The following LY9 variants were observed in gnomAD, a reference collection of about 807,000 sequenced individuals.
LY9 encodes the protein T-lymphocyte surface antigen Ly-9.
In LY9, 59 loss-of-function variants were observed where a neutral mutation model predicts 64.6. That is an observed-to-expected ratio of 0.91 (90% CI 0.74 to 1.13). The LOEUF (loss-of-function observed/expected upper bound fraction) is 1.13. LY9 is among the 50% of genes most tolerant of loss of function. The pLI, the probability that LY9 is intolerant of heterozygous loss-of-function variation, is 0.00. For synonymous variants in LY9, 281 were observed against 308.5 expected, an observed-to-expected ratio of 0.91 and a Z score of 0.93; for missense variants, 789 against 797.2, an observed-to-expected ratio of 0.99 and a Z score of 0.12.
rs770956153 is a variant in LY9, at chr1:160,814,740, CAT to C, written c.1052_1053del (p.His351ArgfsTer22). On this transcript the variant is annotated frameshift_variant, in exon 4 of 10. Transcript: ENST00000263285. LOFTEE classifies it high-confidence loss of function. ...SEASSVTSMT[H>X]VTLLIYRRLR... ...GGCCTCCAGCGTCACCAGCATGACACATGTCACCCTGCTCATCTACCGTGAGT... is the reference window on the plus strand; with the variant it reads ...GGCCTCCAGCGTCACCAGCATGACACGTCACCCTGCTCATCTACCGTGAGT... 2.1e-4 allele frequency: 345 copies of C among 1,613,632 alleles called. No homozygotes were observed. The Middle Eastern group carries it at 3.8e-3, about 18-fold the overall frequency.
In LY9 at chr1:160,814,711, C is replaced by G. The variant is rs750028876; in HGVS notation, c.1022C>G (p.Ser341Ter). The G allele has an allele frequency of 4.3e-6, 7 of 1,614,132 alleles. No individual in the cohort carries two copies. ...GGCCCCTACCATGCCTACGTGTGCT[C>G]AGAGGCCTCCAGCGTCACCAGCATG... ...DAGPYHAYVC[S>*]EASSVTSMTH... is the part of the protein sequence containing the mutation. The change falls in exon 4 of 10, where the codon TCA becomes TGA. Residue 341 changes from serine (S) to a stop codon, truncating the protein, a stop_gained. Coordinates refer to ENST00000263285, the MANE Select transcript of LY9 (RefSeq NM_002348.4). LOFTEE classifies it high-confidence loss of function.
chr1:160,816,445 G>T, intron 4 of LY9, 149 bp from the exon 5 acceptor site: 1 of 793,470 alleles, frequency 1.3e-6, no homozygotes. Context: ...GAAAATGCCA[G>T]GTATACTCCA....
chr1:160,797,031 G>A (rs1400768077), intron 1 of LY9: 1 of 746,638 alleles, frequency 1.3e-6, no homozygotes, highest in Non-Finnish European at 1.6e-6. Flanking sequence ...TGGGGACCTG[G>A]ACGCGGTTAG....
chr1:160,802,386 C>T, intron 2 of LY9: 1 of 987,842 alleles, frequency 1.0e-6, no homozygotes, highest in Non-Finnish European at 1.2e-6. Flanking sequence ...CCAGGCCTGG[C>T]TCAGCCCACT....
At position 160,827,858 on chromosome 1, in the gene LY9, T is replaced by C; in HGVS notation, c.*42T>C. ...TGCCTCTCTCCTGGGACCGTGGGGTTGGAAAGTCAGCTGGACCTCATGGGG... is the reference window on the plus strand; with the variant it reads ...TGCCTCTCTCCTGGGACCGTGGGGTCGGAAAGTCAGCTGGACCTCATGGGG... On this transcript the variant is annotated 3_prime_UTR_variant, in exon 10 of 10. Transcript: ENST00000263285. 1 of 1,554,932 alleles carries C rather than the reference T, an allele frequency of 6.4e-7. No homozygotes were observed. Among genetic ancestry groups the C allele is most frequent in the African/African-American group, 1.4e-5 (1 of 73,312 alleles).
Position 160,813,904 on chromosome 1 carries a change from C to T in LY9, c.723C>T (p.Phe241=). Residue 241 remains phenylalanine, a synonymous_variant, in exon 3 of 10, where the codon TTC becomes TTT. Transcript: ENST00000263285. ...CCCTCCCTGTCCATGTTGGGCAGTTCTGTACAGGTAACTGGCTCCAACTTG... is the reference window on the plus strand; with the variant it reads ...CCCTCCCTGTCCATGTTGGGCAGTTTTGTACAGGTAACTGGCTCCAACTTG... The part of the protein sequence containing the change: ...RSSLPVHVGQ[F]CTDPGASRGG... 1 of 1,613,464 alleles carries T rather than the reference C, an allele frequency of 6.2e-7. No individual in the cohort carries two copies. Among genetic ancestry groups the T allele is most frequent in the Non-Finnish European group, 8.5e-7 (1 of 1,179,696 alleles).
At chr1:160,819,568 T>C (rs1668219975) in intron 7 of LY9, among the ~76,000 whole-genome samples, 194 bp downstream of exon 7, 1 of 151,850 alleles carries the variant, frequency 6.6e-6, no homozygotes, top group Non-Finnish European at 1.5e-5. Flanking sequence ...GGCAGGTAGA[T>C]CACTTGAGGC....
chr1:160,797,274 A>G (rs955842434), intron 1 of LY9: 30 of 985,346 alleles, frequency 3.0e-5, no homozygotes, highest in Non-Finnish European at 3.6e-5. Flanking sequence ...ATGATGGTGC[A>G]GGTAGCACTA....
chr1:160,808,469 C>T (rs1667188993), intron 2 of LY9, among the ~76,000 whole-genome samples: 3 of 152,276 alleles, frequency 2.0e-5, no homozygotes, highest in Middle Eastern at 6.8e-3. Context: ...AGCAGTTCCG[C>T]CCCACAGTCT....
chr1:160,810,053 A>G (rs1667347862), intron 2 of LY9: 1 of 151,640 alleles, frequency 6.6e-6, no homozygotes, highest in African/African-American at 2.4e-5. Context: ...TAATTTTTGT[A>G]TTGTTAGTAG....
At chr1:160,816,968 A>G in intron 5 of LY9, 105 bp downstream of exon 5, 1 of 1,109,550 alleles carries the variant, frequency 9.0e-7, no homozygotes, top group Non-Finnish European at 1.3e-6. Context: ...TGTGGGTGAG[A>G]GCCCTTTAGA....
At chr1:160,801,803 A>G (rs1411081902) in intron 2 of LY9, 5 of 1,613,768 alleles carry the variant, frequency 3.1e-6, no homozygotes, top group East Asian at 2.2e-5. Flanking sequence ...CATTTATTGA[A>G]AAGTTGTCCG....
chr1:160,824,108 C>T, intron 8 of LY9, 73 bp from the exon 9 acceptor site: 1 of 1,594,862 alleles, frequency 6.3e-7, no homozygotes, highest in Non-Finnish European at 8.6e-7. Flanking sequence ...ATCCCCTCTC[C>T]TCAAGGGTTG....
chr1:160,802,029 C>A (rs1383038025), intron 2 of LY9: 1 of 1,455,152 alleles, frequency 6.9e-7, no homozygotes. Context: ...AGTGCCACTG[C>A]CCCCCGAGGC....
At chr1:160,825,434 G>C (rs1449936440) in intron 9 of LY9, among the ~76,000 whole-genome samples, 4 of 152,080 alleles carry the variant, frequency 2.6e-5, no homozygotes, top group African/African-American at 9.7e-5. Context: ...ATAGTACTTG[G>C]AAGTTCCAGT....
chr1:160,819,639 A>C (rs538151026), intron 7 of LY9, among the ~76,000 whole-genome samples: 1 of 151,840 alleles, frequency 6.6e-6, no homozygotes, highest in Admixed American at 6.6e-5. Context: ...AAAATAGAAA[A>C]AATTATCTGG....
chr1:160,825,356 GT>G (rs1422415426), intron 9 of LY9, among the ~76,000 whole-genome samples: 4 of 152,148 alleles, frequency 2.6e-5, no homozygotes, highest in Admixed American at 6.6e-5. Flanking sequence ...CTAGAAAAGT[GT>G]TGTCATCCAC....
At position 160,814,595 on chromosome 1, in the gene LY9, C is replaced by A; in HGVS notation, c.906C>A (p.Leu302=). Residue 302 remains leucine, a synonymous_variant, in exon 4 of 10, where the codon CTC becomes CTA. Transcript: ENST00000263285. ...EREEAATADP[L]IKSRDPYKNR... Reference sequence around the variant, plus strand: ...AAGAAGCAGCAACGGCAGATCCACTCATTAAATCCAGGGATCCTTACAAGA... The same window carrying A: ...AAGAAGCAGCAACGGCAGATCCACTAATTAAATCCAGGGATCCTTACAAGA... The A allele has an allele frequency of 6.2e-7, 1 of 1,614,170 alleles. No individual in the cohort carries two copies. Among genetic ancestry groups the A allele is most frequent in the Non-Finnish European group, 8.5e-7 (1 of 1,180,028 alleles).
intron 2 of LY9, chr1:160,801,923 C>G (rs762593680): frequency 1.2e-6 from 2 of 1,611,718 alleles, no homozygotes; most frequent in Admixed American, 3.3e-5. Flanking sequence ...GCTAGGCCCT[C>G]GCCCCCACCT....
Sources: gnomAD v4.1 joint callset for allele counts (sites outside exome capture counted in the v4.1 genomes callset) on GRCh38, gnomAD v4.1.1 for gene constraint, MANE v1.5 for transcripts, NCBI Gene and HGNC (gene_info 2026-07-23, HGNC 2026-07-21) for gene names.